The following ASXL3 variants were observed in gnomAD, a reference collection of about 807,000 sequenced individuals.
ASXL3 encodes the protein putative Polycomb group protein ASXL3.
ASXL3 carries 34 observed loss-of-function variants against 170.6 expected under a neutral mutation model. The observed-to-expected ratio is 0.20, with a 90% CI of 0.15 to 0.27. The LOEUF is 0.27. ASXL3 is among the 10% of genes least tolerant of loss of function. The pLI, the probability that ASXL3 is intolerant of heterozygous loss-of-function variation, is 1.00. For synonymous variants in ASXL3, 1,002 were observed against 989.1 expected, an observed-to-expected ratio of 1.01 and a Z score of -0.24; for missense variants, 2,592 against 2,695.3, an observed-to-expected ratio of 0.96 and a Z score of 0.85.
chr18:33,660,392 C>G (rs1365030745), intron 4 of ASXL3, among the ~76,000 whole-genome samples: 6 of 152,084 alleles, frequency 3.9e-5, no homozygotes, highest in African/African-American at 1.4e-4. Context: ...TATTTCTAGG[C>G]AAGGTGTGCT....
At chr18:33,670,198 T>C (rs140034584) in intron 5 of ASXL3, among the ~76,000 whole-genome samples, 1 of 152,356 alleles carries the variant, frequency 6.6e-6, no homozygotes, top group African/African-American at 2.4e-5. Context: ...AGTGAGTGCA[T>C]CAATACTGTA....
At chr18:33,696,760 C>T (rs866273468) in intron 8 of ASXL3, among the ~76,000 whole-genome samples, 29 of 152,150 alleles carry the variant, frequency 1.9e-4, no homozygotes, top group Middle Eastern at 3.4e-3. Flanking sequence ...AAAATGTTTC[C>T]AGGCTGTGCT....
At chr18:33,634,535 A>G (rs1248213160) in intron 2 of ASXL3, among the ~76,000 whole-genome samples, 1 of 152,142 alleles carries the variant, frequency 6.6e-6, no homozygotes, top group Non-Finnish European at 1.5e-5. Context: ...TATTTTTCCT[A>G]TAACTAATAA....
chr18:33,631,339 G>A (rs2065673601), intron 2 of ASXL3, among the ~76,000 whole-genome samples: 1 of 152,008 alleles, frequency 6.6e-6, no homozygotes, highest in South Asian at 2.1e-4. Flanking sequence ...CAGAGTTAAA[G>A]CAACCCTTGA....
At chr18:33,661,897 T>TAAA (rs5823914) in intron 5 of ASXL3, among the ~76,000 whole-genome samples, 160 bp downstream of exon 5, 209 of 151,090 alleles carry the variant, frequency 1.4e-3, no homozygotes, top group African/African-American at 3.5e-3. Context: ...TAATCTGTGA[T>TAAA]AAAAAAAAAC....
intron 8 of ASXL3, among the ~76,000 whole-genome samples, chr18:33,706,334 C>T (rs1219072852): frequency 5.6e-4 from 85 of 151,470 alleles, no homozygotes; most frequent in Non-Finnish European, 2.8e-4. Flanking sequence ...GATTTTGGTC[C>T]ACCTAAATAC....
At chr18:33,727,442 A>T (rs916928316) in intron 8 of ASXL3, among the ~76,000 whole-genome samples, 1 of 152,154 alleles carries the variant, frequency 6.6e-6, no homozygotes, top group Non-Finnish European at 1.5e-5. Flanking sequence ...ATTCCTTAAA[A>T]TGTATGTTAA....
chr18:33,640,397 T>G (rs2145190969), intron 2 of ASXL3, among the ~76,000 whole-genome samples: 1 of 152,046 alleles, frequency 6.6e-6, no homozygotes, highest in East Asian at 1.9e-4. Flanking sequence ...TTGGCCTTGG[T>G]TTTTCTAGGG....
At chr18:33,605,678 A>C (rs904493615) in intron 1 of ASXL3, 5 of 152,130 alleles carry the variant, frequency 3.3e-5, no homozygotes, top group African/African-American at 1.2e-4. Context: ...CCCAATTTCC[A>C]GTGTGCCCAA....
At chr18:33,736,769 G>A (rs899483457) in intron 10 of ASXL3, among the ~76,000 whole-genome samples, 1 of 152,074 alleles carries the variant, frequency 6.6e-6, no homozygotes, top group South Asian at 2.1e-4. Flanking sequence ...TGGAGGCCAG[G>A]GTTTTCCTTT....
At chr18:33,709,984 G>A (rs542432121) in intron 8 of ASXL3, among the ~76,000 whole-genome samples, 1 of 152,260 alleles carries the variant, frequency 6.6e-6, no homozygotes, top group South Asian at 2.1e-4. Flanking sequence ...GGCCGGGTGC[G>A]GTGGCTCATG....
At chr18:33,614,135 C>G (rs916860511) in intron 2 of ASXL3, 1 of 152,102 alleles carries the variant, frequency 6.6e-6, no homozygotes, top group Non-Finnish European at 1.5e-5. Context: ...TTGTGGCATG[C>G]AATGCTATTT....
At position 33,729,868 on chromosome 18, in the gene ASXL3, C is replaced by T. The variant is rs1348994135; in HGVS notation, c.880-2100C>T. Among the ~76,000 whole-genome samples, 8 of 152,098 alleles carry T rather than the reference C, an allele frequency of 5.3e-5. No individual in the cohort carries two copies. The East Asian group carries it at 1.5e-3, about 29-fold the overall frequency. Reference sequence around the variant, plus strand: ...GATGTCAATCACCAGGCATGAATAACACCAAGAGATGTCCCAGGGAATCCC... The same window carrying T: ...GATGTCAATCACCAGGCATGAATAATACCAAGAGATGTCCCAGGGAATCCC... On this transcript the variant is annotated intron_variant, in intron 8 of 11. Transcript: ENST00000269197.
intron 8 of ASXL3, among the ~76,000 whole-genome samples, chr18:33,699,947 C>A (rs889474711): frequency 1.4e-4 from 21 of 151,592 alleles, no homozygotes; most frequent in Admixed American, 1.2e-3. Flanking sequence ...ATTTTATCTC[C>A]TTTATAATTA....
intron 3 of ASXL3, 79 bp downstream of exon 3, chr18:33,645,081 T>G (rs1163814536): frequency 1.4e-5 from 13 of 923,024 alleles, no homozygotes; most frequent in Admixed American, 4.9e-5. Context: ...CAAAATTAGA[T>G]TTGAAGAGTA....
intron 7 of ASXL3, among the ~76,000 whole-genome samples, chr18:33,681,153 C>T (rs1395583527): frequency 6.6e-6 from 1 of 151,952 alleles, no homozygotes; most frequent in African/African-American, 2.4e-5. Flanking sequence ...TCAATTACAT[C>T]TTACCATGTT....
intron 1 of ASXL3, among the ~76,000 whole-genome samples, chr18:33,605,953 A>C (rs1206905912): frequency 6.6e-6 from 1 of 151,872 alleles, no homozygotes; most frequent in Non-Finnish European, 1.5e-5. Flanking sequence ...CAGTGCCCAC[A>C]CTATATATAG....
chr18:33,635,764 A>G (rs2065753909), intron 2 of ASXL3, among the ~76,000 whole-genome samples: 1 of 152,344 alleles, frequency 6.6e-6, no homozygotes, highest in East Asian at 1.9e-4. Context: ...GCCTTTTGGT[A>G]TATAGAGTCC....
rs2067850860 is a variant in ASXL3 at position 33,749,487 on chromosome 18, T to C, written c.*2892T>C. ...GGATGTATTTCCCTAAGTAGCACTT[T>C]TGGAGCAGGGGAAGGAAGAAAACTG... On this transcript the variant is annotated 3_prime_UTR_variant, in exon 12 of 12. Transcript: ENST00000269197. 1 of 152,108 alleles carries C rather than the reference T, an allele frequency of 6.6e-6. No homozygotes were observed. The highest frequency in any genetic ancestry group is 1.5e-5 in the Non-Finnish European group (1 of 68,020). 9.4% of individuals were successfully genotyped at this position (152,108 alleles called of 1,614,324 possible).
Sources: allele counts gnomAD v4.1 joint callset (sites outside exome capture counted in the v4.1 genomes callset), GRCh38; gene constraint gnomAD v4.1.1; transcripts MANE v1.5; gene names NCBI Gene and HGNC (gene_info 2026-07-23, HGNC 2026-07-21).